Variants in CACNB3 observed in about 807,000 individuals in gnomAD.
CACNB3 encodes the protein voltage-dependent L-type calcium channel subunit beta-3.
A neutral mutation model predicts 63.7 loss-of-function variants in CACNB3; 36 were observed. The ratio of observed to expected loss-of-function variants is 0.57; its 90% CI spans 0.43 to 0.75. CACNB3 has a LOEUF of 0.75. Among genes scored for constraint, CACNB3 ranks in the 30% least tolerant of loss-of-function variants. The pLI is 0.00. For synonymous variants in CACNB3, 241 were observed against 250.6 expected (o/e 0.96, Z 0.36); for missense variants, 493 against 648.6 (o/e 0.76, Z 2.61).
chr12:48,824,217 G>A, intron 3 of CACNB3, 41 bp from the exon 4 acceptor site: 1 of 1,519,656 alleles, frequency 6.6e-7, no homozygotes, highest in Non-Finnish European at 9.0e-7. Flanking sequence ...CTGGGGCGGG[G>A]CGCTTCTCTC....
chr12:48,818,891 G>T lies in CACNB3; in HGVS notation c.-39G>T. The T allele has an allele frequency of 6.5e-7, 1 of 1,543,460 alleles. No individual in the cohort carries two copies. The highest frequency in any genetic ancestry group is 8.7e-7 in the Non-Finnish European group (1 of 1,144,122). On this transcript the variant is annotated 5_prime_UTR_variant, in exon 1 of 13. Coordinates refer to ENST00000301050, the MANE Select transcript of CACNB3 (RefSeq NM_000725.4). The surrounding 1 kb of genome is among the most constrained non-coding windows in gnomAD (Gnocchi z 4.3). ...TTGCCCCTGCCTCCGGGCCGCTCCC[G>T]CCCCCGGCGCCGCTCGCTCCCCCGA...
Position 48,823,933 on chromosome 12 carries a change from C to G in CACNB3, c.291+130C>G. The G allele has an allele frequency of 3.5e-6, 4 of 1,137,916 alleles. No homozygotes were observed. Among genetic ancestry groups the G allele is most frequent in the Non-Finnish European group, 3.8e-6 (3 of 797,618 alleles). The allele number at this position is 1,137,916 out of a possible 1,614,324, so 70.5% of individuals were successfully genotyped here. Reference sequence around the variant, plus strand: ...ATCAGCTCTTCTCCTTAACACACACCTGTCCACCCCTCATATCTAAGATCT... The same window carrying G: ...ATCAGCTCTTCTCCTTAACACACACGTGTCCACCCCTCATATCTAAGATCT... On this transcript the variant is annotated intron_variant, in intron 3 of 12. Transcript: ENST00000301050. This position sits in a 1 kb window ranked among gnomAD's most constrained non-coding sequence, Gnocchi z 4.2.
chr12:48,827,388 A>C (rs1474906055), intron 12 of CACNB3, among the ~76,000 whole-genome samples, 197 bp from the exon 13 acceptor site: 1 of 152,244 alleles, frequency 6.6e-6, no homozygotes, highest in Non-Finnish European at 1.5e-5. Flanking sequence ...GCTGCCTTGA[A>C]GGCAGAGCCT....
In CACNB3 at chr12:48,827,594, C is replaced by T; in HGVS notation, c.1150C>T (p.Leu384=). The T allele has an allele frequency of 6.2e-7, 1 of 1,612,358 alleles. No homozygotes were observed. Among genetic ancestry groups the T allele is most frequent in the Non-Finnish European group, 8.5e-7 (1 of 1,179,186 alleles). ...GTTGTATGGCCCCCAGAACCAGCAG[C>T]TGCTGGGGGAGCGTGGCGAGGAGCA... ...SAIPGLQNQQ[L]LGERGEEHSP... Residue 384 remains leucine (L), a synonymous_variant, in exon 13 of 13, where the codon CTG becomes TTG. Coordinates refer to ENST00000301050, the MANE Select transcript of CACNB3 (RefSeq NM_000725.4).
At chr12:48,814,944 A>C, upstream of CACNB3, 1 of 194,438 alleles carries the variant, frequency 5.1e-6, no homozygotes, top group Non-Finnish European at 1.0e-5. This position sits in a 1 kb window ranked among gnomAD's most constrained non-coding sequence, Gnocchi z 6.9. Flanking sequence ...GCTGCACCAG[A>C]ACCCAGGAGA....
Position 48,818,972 on chromosome 12 carries a change from G to A in CACNB3, c.43G>A (p.Ala15Thr), listed in dbSNP as rs1313389141. 1 of 1,606,096 alleles carries A rather than the reference G, an allele frequency of 6.2e-7. No individual in the cohort carries two copies. The change falls in exon 1 of 13, where the codon GCG becomes ACG. Residue 15 changes from alanine (A) to threonine (T), a missense_variant and splice_region_variant. Physicochemically the swap from Ala to Thr is moderately conservative, Grantham distance 58. Coordinates refer to ENST00000301050, the MANE Select transcript of CACNB3 (RefSeq NM_000725.4). This position sits in a 1 kb window ranked among gnomAD's most constrained non-coding sequence, Gnocchi z 4.3. ...SYVPGFEDSE[A>T]GSADSYTSRP... ...CGTGCCCGGGTTTGAGGACTCGGAG[G>A]CGGTGAGTGCCCACGATGAGGGTGG...
In CACNB3 at chr12:48,818,733, G is replaced by C; in HGVS notation, c.-197G>C. On this transcript the variant is annotated 5_prime_UTR_variant, in exon 1 of 13. Coordinates refer to ENST00000301050, the MANE Select transcript of CACNB3 (RefSeq NM_000725.4). The surrounding 1 kb of genome is among the most constrained non-coding windows in gnomAD (Gnocchi z 4.3). ...CCGGCTGGGTTTGGGGGGGTGGGGT[G>C]GGGGGAGCGGTGATCTGAGCTCCGA... The C allele has an allele frequency of 7.9e-7, 1 of 1,261,936 alleles. No individual in the cohort carries two copies. Among genetic ancestry groups the C allele is most frequent in the Non-Finnish European group, 1.0e-6 (1 of 994,320 alleles). 78.2% of individuals were successfully genotyped at this position (1,261,936 alleles called of 1,614,324 possible). A position where few individuals can be genotyped will look rare whatever the true frequency, so the allele number is the denominator to read the frequency against.
At position 48,818,699 on chromosome 12, in the gene CACNB3, G is replaced by C. The variant is rs1249032310; in HGVS notation, c.-231G>C. ...GGCGCCAGATTCCTCAGCCGCGCTC[G>C]GGGTGGGACCGGCTGGGTTTGGGGG... On this transcript the variant is annotated 5_prime_UTR_variant, in exon 1 of 13. Transcript: ENST00000301050. The surrounding 1 kb of genome is among the most constrained non-coding windows in gnomAD (Gnocchi z 4.3). 9 of 1,251,706 alleles carry C rather than the reference G, an allele frequency of 7.2e-6. No individual in the cohort carries two copies. The highest frequency in any genetic ancestry group is 8.0e-6 in the Non-Finnish European group (8 of 998,800). 77.5% of individuals were successfully genotyped at this position (1,251,706 alleles called of 1,614,324 possible).
rs866223046 is a variant in CACNB3, at chr12:48,826,649, C to T, written c.895-110C>T. 46 of 1,414,628 alleles carry T rather than the reference C, an allele frequency of 3.3e-5. 3 individuals carry two copies. In the Middle Eastern group the frequency reaches 1.6e-3, roughly 50 times the overall value. The allele number at this position is 1,414,628 out of a possible 1,614,324, so 87.6% of individuals were successfully genotyped here. ...TGCCCTTAACACAACTCTGAGTCAT[C>T]CTCACCTGCTACTGATGCCACAAGT... On this transcript the variant is annotated intron_variant, in intron 10 of 12. Transcript: ENST00000301050. The surrounding 1 kb of genome is among the most constrained non-coding windows in gnomAD (Gnocchi z 4.8).
upstream of CACNB3, chr12:48,815,808 G>T (rs1484263677): frequency 2.1e-6 from 2 of 957,262 alleles, no homozygotes; most frequent in South Asian, 1.4e-5. Flanking sequence ...AAGCTAGGAA[G>T]GGGGCACGCG....
chr12:48,823,312 G>C lies in CACNB3; in HGVS notation c.46-32G>C, dbSNP rs767868750. The C allele has an allele frequency of 4.3e-6, 7 of 1,609,658 alleles. No individual in the cohort carries two copies. The South Asian group carries it at 6.6e-5, about 15-fold the overall frequency. The stretch of plus-strand genomic sequence containing the variant: ...CCTCCATGGCATCCTTCATGCCGGA[G>C]CCTGGGAGTCACAGCCTCTTTCCCA... On this transcript the variant is annotated intron_variant, in intron 1 of 12. Transcript: ENST00000301050. This position sits in a 1 kb window ranked among gnomAD's most constrained non-coding sequence, Gnocchi z 4.2.
chr12:48,827,191 A>C, intron 12 of CACNB3, 68 bp downstream of exon 12: 1 of 1,566,046 alleles, frequency 6.4e-7, no homozygotes, highest in Non-Finnish European at 8.7e-7. Context: ...CCCTGCCCAG[A>C]GGACTGTCCT....
At position 48,826,459 on chromosome 12, in the gene CACNB3, C is replaced by T; in HGVS notation, c.835C>T (p.Gln279Ter). ...LDADTINHPAQLAKTSLAPII... is the reference protein window; with the variant it reads ...LDADTINHPA ...CGCTGACACCATCAACCACCCAGCA[C>T]AGCTGGCCAAGACCTCGCTGGCCCC... Residue 279 changes from glutamine (Q) to a stop codon, truncating the protein, a stop_gained, in exon 10 of 13, where the codon CAG becomes TAG. Coordinates refer to ENST00000301050, the MANE Select transcript of CACNB3 (RefSeq NM_000725.4). LOFTEE classifies it high-confidence loss of function. The surrounding 1 kb of genome is among the most constrained non-coding windows in gnomAD (Gnocchi z 4.8). 1 of 1,614,226 alleles carries T rather than the reference C, an allele frequency of 6.2e-7. No homozygotes were observed. The highest frequency in any genetic ancestry group is 8.5e-7 in the Non-Finnish European group (1 of 1,180,040).
rs1938256338 is a variant in CACNB3 at position 48,828,275 on chromosome 12, G to A, written c.*376G>A. On this transcript the variant is annotated 3_prime_UTR_variant, in exon 13 of 13. Transcript: ENST00000301050. ...TGCCCCATTAAAGTGACAAAAGGGT[G>A]GGGTGTGGGCACCATGGCATGAGGA... 1 of 331,480 alleles carries A rather than the reference G, an allele frequency of 3.0e-6. No homozygotes were observed. The highest frequency in any genetic ancestry group is 5.8e-6 in the Non-Finnish European group (1 of 172,234). 20.5% of individuals were successfully genotyped at this position (331,480 alleles called of 1,614,324 possible).
chr12:48,818,974 G>T lies in CACNB3; in HGVS notation c.45G>T (p.Ala15=). The change falls in exon 1 of 13, where the codon GCG becomes GCT. Residue 15 remains alanine (A), a splice_region_variant and synonymous_variant. Coordinates refer to ENST00000301050, the MANE Select transcript of CACNB3 (RefSeq NM_000725.4). This position sits in a 1 kb window ranked among gnomAD's most constrained non-coding sequence, Gnocchi z 4.3. The part of the protein sequence containing the change: ...SYVPGFEDSE[A]GSADSYTSRP... ...TGCCCGGGTTTGAGGACTCGGAGGCGGTGAGTGCCCACGATGAGGGTGGGG... is the reference window on the plus strand; with the variant it reads ...TGCCCGGGTTTGAGGACTCGGAGGCTGTGAGTGCCCACGATGAGGGTGGGG... 6.2e-7 allele frequency: 1 copy of T among 1,605,844 alleles called. No individual in the cohort carries two copies.
chr12:48,814,976 C>T, upstream of CACNB3: 1 of 174,442 alleles, frequency 5.7e-6, no homozygotes. The surrounding 1 kb of genome is among the most constrained non-coding windows in gnomAD (Gnocchi z 6.9). Context: ...GCAGAGACTC[C>T]GCGGGCGCGG....
rs1013174705 is a variant in CACNB3, at chr12:48,825,573, T to C, written c.632+81T>C. On this transcript the variant is annotated intron_variant, in intron 8 of 12. Coordinates refer to ENST00000301050, the MANE Select transcript of CACNB3 (RefSeq NM_000725.4). This position sits in a 1 kb window ranked among gnomAD's most constrained non-coding sequence, Gnocchi z 4.5. Reference sequence around the variant, plus strand: ...TTCCAGATGCCTGTAGCTAGTCTTCTCTAAGGGAAGAGTTAGTGGGAGCTG... The same window carrying C: ...TTCCAGATGCCTGTAGCTAGTCTTCCCTAAGGGAAGAGTTAGTGGGAGCTG... 31 of 1,579,070 alleles carry C rather than the reference T, an allele frequency of 2.0e-5. No homozygotes were observed. The African/African-American group carries it at 3.9e-4, about 20-fold the overall frequency.
chr12:48,814,525 C>T (rs1942239571), upstream of CACNB3: 8 of 1,529,164 alleles, frequency 5.2e-6, no homozygotes, highest in Non-Finnish European at 7.0e-6. This position sits in a 1 kb window ranked among gnomAD's most constrained non-coding sequence, Gnocchi z 6.9. Flanking sequence ...CCCGGCTTAG[C>T]TGGGGCGCCC....
At chr12:48,817,380 A>C (rs1942310896), upstream of CACNB3, 1 of 152,286 alleles carries the variant, frequency 6.6e-6, no homozygotes, top group Admixed American at 6.5e-5. Flanking sequence ...CCAAGGAGGG[A>C]TGAGCAGATT....
Sources: allele counts gnomAD v4.1 joint callset (sites outside exome capture counted in the v4.1 genomes callset), GRCh38; gene constraint gnomAD v4.1.1; non-coding constraint Gnocchi (gnomAD v3.1); transcripts MANE v1.5; gene names NCBI Gene and HGNC (gene_info 2026-07-23, HGNC 2026-07-21).